NALCN: variants seen among roughly 807,000 people sequenced by gnomAD.
NALCN encodes sodium leak channel, non-selective.
A neutral mutation model predicts 225.3 loss-of-function variants in NALCN; 111 were observed. That is an observed-to-expected ratio of 0.49 (90% CI 0.42 to 0.58). The LOEUF (loss-of-function observed/expected upper bound fraction) is 0.58. Among genes scored for constraint, NALCN ranks in the 20% least tolerant of loss-of-function variants. The pLI is 0.00. For missense variants in NALCN, 1,378 were observed against 2,202.4 expected, an observed-to-expected ratio of 0.63 and a Z score of 7.49; for synonymous variants, 764 against 769.0, an observed-to-expected ratio of 0.99 and a Z score of 0.11.
intron 37 of NALCN, among the ~76,000 whole-genome samples, chr13:101,072,280 A>G (rs187492968): frequency 6.6e-6 from 1 of 152,342 alleles, no homozygotes; most frequent in Non-Finnish European, 1.5e-5. Flanking sequence ...GTAAAAATGC[A>G]ATGTCTGCAA....
At chr13:101,245,058 C>T (rs2041854312) in intron 11 of NALCN, among the ~76,000 whole-genome samples, 1 of 152,154 alleles carries the variant, frequency 6.6e-6, no homozygotes. Context: ...CTGCAAATCC[C>T]AGGCATTCAG....
At position 101,159,929 on chromosome 13, in the gene NALCN, T is replaced by G. The variant is rs75841774; in HGVS notation, c.1840-15033A>C. On this transcript the variant is annotated intron_variant, in intron 15 of 43. Transcript: ENST00000251127. ...TTTGTTAGTGAGAGAGAAGGTTTTT[T>G]TTGTTTTTTGTTATTTTTTGTTATT... Among the ~76,000 whole-genome samples, 3 of 150,532 alleles carry G rather than the reference T, an allele frequency of 2.0e-5. No individual in the cohort carries two copies. In the South Asian group the frequency reaches 6.5e-4, roughly 33 times the overall value.
intron 37 of NALCN, among the ~76,000 whole-genome samples, chr13:101,069,591 C>T (rs2032697465): frequency 6.6e-6 from 1 of 152,164 alleles, no homozygotes; most frequent in Admixed American, 6.5e-5. Flanking sequence ...GGAAGTTTAT[C>T]ATATCAATTG....
intron 3 of NALCN, among the ~76,000 whole-genome samples, chr13:101,384,264 C>G (rs895431974): frequency 5.9e-5 from 9 of 152,126 alleles, no homozygotes; most frequent in African/African-American, 2.2e-4. Flanking sequence ...TTTGTTTGTT[C>G]CATCAACAAG....
At chr13:101,074,992 T>C (rs1490630476) in intron 35 of NALCN, among the ~76,000 whole-genome samples, 2 of 152,092 alleles carry the variant, frequency 1.3e-5, no homozygotes, top group Non-Finnish European at 2.9e-5. Flanking sequence ...GCTCCTCAAT[T>C]CTCTATGATA....
chr13:101,088,445 T>C (rs530259376), intron 30 of NALCN, among the ~76,000 whole-genome samples: 14 of 152,266 alleles, frequency 9.2e-5, no homozygotes, highest in African/African-American at 2.6e-4. Context: ...AGAGTGAAGG[T>C]TGACTTTATT....
intron 15 of NALCN, among the ~76,000 whole-genome samples, chr13:101,162,912 T>C (rs964900331): frequency 2.0e-5 from 3 of 152,228 alleles, no homozygotes; most frequent in Non-Finnish European, 4.4e-5. Context: ...TTTATTTTAT[T>C]TATTTTTTTG....
At chr13:101,269,524 AAG>A (rs138808718) in intron 10 of NALCN, among the ~76,000 whole-genome samples, 119 of 152,298 alleles carry the variant, frequency 7.8e-4, no homozygotes, top group Admixed American at 1.4e-3. Flanking sequence ...GGACTCCTAA[AAG>A]AGGGATGCTG....
At chr13:101,194,907 GGAA>G (rs1460448173) in intron 13 of NALCN, among the ~76,000 whole-genome samples, 9 of 152,206 alleles carry the variant, frequency 5.9e-5, no homozygotes, top group Admixed American at 5.9e-4. Flanking sequence ...GGGAGGCTGA[GGAA>G]GAAGAATTGC....
chr13:101,332,620 A>AAATATTTAG (rs2045225192), intron 7 of NALCN, among the ~76,000 whole-genome samples: 1 of 152,236 alleles, frequency 6.6e-6, no homozygotes, highest in Non-Finnish European at 1.5e-5. Flanking sequence ...TTAGCCAGCT[A>AAATATTTAG]CAAAATGAAG....
In NALCN at chr13:101,292,490, T is replaced by G; in HGVS notation, c.800-124A>C. On this transcript the variant is annotated intron_variant, in intron 7 of 43. Coordinates refer to ENST00000251127, the MANE Select transcript of NALCN (RefSeq NM_052867.4). This position sits in a 1 kb window ranked among gnomAD's most constrained non-coding sequence, Gnocchi z 4.3. Reference sequence around the variant, plus strand: ...TCAATGACAAAAGTGCTTCAAAAATTGATTAGAATCACATGCAACACATTT... The same window carrying G: ...TCAATGACAAAAGTGCTTCAAAAATGGATTAGAATCACATGCAACACATTT... 1 of 1,009,826 alleles carries G rather than the reference T, an allele frequency of 9.9e-7. No homozygotes were observed. The allele number at this position is 1,009,826 out of a possible 1,614,324, so 62.6% of individuals were successfully genotyped here.
intron 13 of NALCN, among the ~76,000 whole-genome samples, chr13:101,222,078 C>T (rs2040962033): frequency 6.6e-6 from 1 of 152,174 alleles, no homozygotes; most frequent in Non-Finnish European, 1.5e-5. Context: ...ACACAGTTCT[C>T]ATAATCAGGC....
chr13:101,132,196 T>C (rs912550466), intron 17 of NALCN, among the ~76,000 whole-genome samples: 2 of 152,118 alleles, frequency 1.3e-5, no homozygotes, highest in African/African-American at 4.8e-5. Context: ...GTTTGATGCA[T>C]CTTTTGTTCA....
chr13:101,239,588 T>C (rs1457928705), intron 11 of NALCN, among the ~76,000 whole-genome samples: 1 of 152,002 alleles, frequency 6.6e-6, no homozygotes, highest in African/African-American at 2.4e-5. Context: ...GTGTTCAATG[T>C]TTATGTAACT....
At chr13:101,154,783 C>A (rs1012112171) in intron 15 of NALCN, among the ~76,000 whole-genome samples, 1 of 152,146 alleles carries the variant, frequency 6.6e-6, no homozygotes, top group Admixed American at 6.5e-5. Context: ...AGAGCCTTTA[C>A]AATATGGAAT....
chr13:101,337,959 C>T (rs2045436440), intron 7 of NALCN, among the ~76,000 whole-genome samples: 1 of 152,032 alleles, frequency 6.6e-6, no homozygotes, highest in African/African-American at 2.4e-5. Flanking sequence ...ATAATGATAC[C>T]CCATGGGCTG....
chr13:101,404,345 C>A (rs946430517), intron 1 of NALCN, among the ~76,000 whole-genome samples: 2 of 152,056 alleles, frequency 1.3e-5, no homozygotes, highest in African/African-American at 4.8e-5. Context: ...AATACTTAAA[C>A]CTTAAATTAA....
intron 13 of NALCN, among the ~76,000 whole-genome samples, chr13:101,222,359 G>T (rs1186672379): frequency 6.6e-6 from 1 of 151,680 alleles, no homozygotes; most frequent in Non-Finnish European, 1.5e-5. Flanking sequence ...CCTTCAACCC[G>T]CTATCTCTCT....
At chr13:101,254,441 A>C (rs1354377746) in intron 11 of NALCN, among the ~76,000 whole-genome samples, 1 of 151,788 alleles carries the variant, frequency 6.6e-6, no homozygotes, top group Non-Finnish European at 1.5e-5. Flanking sequence ...AGTGGAACAA[A>C]TTCAGAATGC....
Sources: allele counts gnomAD v4.1 joint callset (sites outside exome capture counted in the v4.1 genomes callset), GRCh38; gene constraint gnomAD v4.1.1; non-coding constraint Gnocchi (gnomAD v3.1); transcripts MANE v1.5; gene names NCBI Gene and HGNC (gene_info 2026-07-23, HGNC 2026-07-21).